PCCA: variants seen among roughly 807,000 people sequenced by gnomAD.
PCCA encodes the protein propionyl-CoA carboxylase alpha chain, mitochondrial.
PCCA carries 74 observed loss-of-function variants against 101.3 expected under a neutral mutation model. The ratio of observed to expected loss-of-function variants is 0.73; its 90% CI spans 0.61 to 0.89. The LOEUF (loss-of-function observed/expected upper bound fraction) is 0.89, where lower values mean the gene tolerates loss of function less well. Among genes scored for constraint, PCCA ranks in the 40% least tolerant of loss-of-function variants. The probability of loss-of-function intolerance (pLI) is 0.00; values close to 1 mark genes in which losing one functional copy is unlikely to be tolerated. For missense variants in PCCA, 891 were observed against 907.0 expected, an observed-to-expected ratio of 0.98 and a Z score of 0.23; for synonymous variants, 294 against 313.6, an observed-to-expected ratio of 0.94 and a Z score of 0.66.
At chr13:100,172,301 T>A (rs1444715606) in intron 6 of PCCA, among the ~76,000 whole-genome samples, 3 of 152,184 alleles carry the variant, frequency 2.0e-5, no homozygotes, top group Admixed American at 2.0e-4. Context: ...GGTATTCACA[T>A]CAAACTAATT....
At chr13:100,313,089 C>T (rs2067053585) in intron 16 of PCCA, among the ~76,000 whole-genome samples, 1 of 152,102 alleles carries the variant, frequency 6.6e-6, no homozygotes. Flanking sequence ...TTTGCTTTCT[C>T]TATTTCTCCC....
chr13:100,518,620 T>C (rs1566498973), intron 22 of PCCA, among the ~76,000 whole-genome samples: 1 of 152,236 alleles, frequency 6.6e-6, no homozygotes, highest in Non-Finnish European at 1.5e-5. Flanking sequence ...AGAGAGGATG[T>C]TAATACACAG....
intron 21 of PCCA, chr13:100,480,899 C>T (rs1596103041): frequency 6.6e-6 from 1 of 152,336 alleles, no homozygotes; most frequent in East Asian, 1.9e-4. Context: ...CAGTAGCCCC[C>T]CTTCTCCACG....
At chr13:100,159,566 A>G (rs771799002) in intron 6 of PCCA, among the ~76,000 whole-genome samples, 1 of 152,194 alleles carries the variant, frequency 6.6e-6, no homozygotes, top group Non-Finnish European at 1.5e-5. Context: ...CAGGGAAGAA[A>G]ATACTGTGAG....
intron 19 of PCCA, among the ~76,000 whole-genome samples, chr13:100,383,255 G>T (rs2076326269): frequency 1.3e-5 from 2 of 151,890 alleles, no homozygotes. Flanking sequence ...GCCTCTCAAA[G>T]TGCTGGGATT....
At chr13:100,311,868 C>T (rs532231057) in intron 16 of PCCA, among the ~76,000 whole-genome samples, 1 of 152,150 alleles carries the variant, frequency 6.6e-6, no homozygotes, top group African/African-American at 2.4e-5. Context: ...ATTGAAAGAC[C>T]GTTTTATGTA....
At chr13:100,519,494 A>G (rs907303134) in intron 22 of PCCA, among the ~76,000 whole-genome samples, 1 of 152,244 alleles carries the variant, frequency 6.6e-6, no homozygotes, top group African/African-American at 2.4e-5. Context: ...TGCCAGGGAA[A>G]GCATCACATC....
intron 9 of PCCA, 52 bp from the exon 10 acceptor site, chr13:100,262,677 C>T: frequency 4.4e-6 from 3 of 677,220 alleles, no homozygotes; most frequent in East Asian, 3.1e-5. Context: ...TCTTCCCCTT[C>T]CCCTTCCCCT....
chr13:100,190,521 A>G (rs1324270640), intron 6 of PCCA, among the ~76,000 whole-genome samples: 1 of 152,086 alleles, frequency 6.6e-6, no homozygotes, highest in Non-Finnish European at 1.5e-5. Flanking sequence ...TGTCTCTACT[A>G]AAAATTAGCC....
intron 14 of PCCA, among the ~76,000 whole-genome samples, chr13:100,306,822 G>A (rs1205989292): frequency 1.3e-5 from 2 of 152,212 alleles, no homozygotes; most frequent in African/African-American, 4.8e-5. Flanking sequence ...TTGACGAGGG[G>A]CCTCACTGGT....
chr13:100,212,815 C>T (rs1247717415), intron 7 of PCCA, among the ~76,000 whole-genome samples: 1 of 151,834 alleles, frequency 6.6e-6, no homozygotes, highest in African/African-American at 2.4e-5. Context: ...CTAGATCTTA[C>T]CCATTCTATC....
chr13:100,501,228 A>G (rs922595653), intron 21 of PCCA, among the ~76,000 whole-genome samples: 17 of 152,202 alleles, frequency 1.1e-4, no homozygotes, highest in Admixed American at 2.6e-4. Context: ...TATTTTATCT[A>G]TGTAAACTTA....
chr13:100,180,075 T>G (rs774371117), intron 6 of PCCA, among the ~76,000 whole-genome samples: 4 of 152,082 alleles, frequency 2.6e-5, no homozygotes, highest in Non-Finnish European at 4.4e-5. Context: ...GGGATTTAGG[T>G]CTGAGTGCAT....
In PCCA at chr13:100,508,826, G is replaced by C. The variant is rs111951670; in HGVS notation, c.1900-6601G>C. ...CTTAATGCTTGGGGTGGGGGGTTCA[G>C]GCTATTTATTGTGCTGACGTTGGTT... On this transcript the variant is annotated intron_variant, in intron 21 of 23. Coordinates refer to ENST00000376285, the MANE Select transcript of PCCA (RefSeq NM_000282.4). 5.6e-3 allele frequency among the ~76,000 whole-genome samples: 852 copies of C among 152,236 alleles called. 3 individuals are homozygous for C. Among genetic ancestry groups the C allele is most frequent in the African/African-American group, 0.019 (796 of 41,534 alleles).
chr13:100,352,483 C>T (rs1463118497), intron 18 of PCCA, among the ~76,000 whole-genome samples: 1 of 148,592 alleles, frequency 6.7e-6, no homozygotes. Context: ...CAAGTTTGAA[C>T]TCCTGGGCTC....
rs975052598 is a variant in PCCA, at chr13:100,186,598, C to T, written c.469-22734C>T. The stretch of plus-strand genomic sequence containing the variant: ...CTCTACTAAAAATACAAAAATGGTT[C>T]AGGTGTGGTGGCACGTGCCTGTAGT... On this transcript the variant is annotated intron_variant, in intron 6 of 23. Coordinates refer to ENST00000376285, the MANE Select transcript of PCCA (RefSeq NM_000282.4). 1.8e-4 allele frequency among the ~76,000 whole-genome samples: 28 copies of T among 151,730 alleles called. 1 individual carries two copies. The highest frequency in any genetic ancestry group is 1.5e-5 in the Non-Finnish European group (1 of 67,934).
intron 21 of PCCA, among the ~76,000 whole-genome samples, chr13:100,471,411 A>T (rs77492719): frequency 0.1 from 15,808 of 152,268 alleles, 1,373 homozygotes; most frequent in African/African-American, 0.23. Context: ...TACCAAAATG[A>T]GACACACAGA....
In PCCA at chr13:100,250,515, A is replaced by G. The variant is rs1467397609; in HGVS notation, c.638-7080A>G. Reference sequence around the variant, plus strand: ...TGTTTGCTTTTTTCTTATTTATCTCATCATGTTTATTTTTTTCTCCAAATC... The same window carrying G: ...TGTTTGCTTTTTTCTTATTTATCTCGTCATGTTTATTTTTTTCTCCAAATC... On this transcript the variant is annotated intron_variant, in intron 8 of 23. Transcript: ENST00000376285. Among the ~76,000 whole-genome samples the G allele has an allele frequency of 2.0e-5, 3 of 152,034 alleles. No homozygotes were observed. The East Asian group carries it at 5.8e-4, about 29-fold the overall frequency.
At chr13:100,352,769 A>G (rs142790292) in intron 18 of PCCA, among the ~76,000 whole-genome samples, 3 of 152,094 alleles carry the variant, frequency 2.0e-5, no homozygotes, top group Non-Finnish European at 1.5e-5. Flanking sequence ...TGGTGTGATT[A>G]TAGCTCATTG....
Sources: gnomAD v4.1 joint callset for allele counts (sites outside exome capture counted in the v4.1 genomes callset) on GRCh38, gnomAD v4.1.1 for gene constraint, MANE v1.5 for transcripts, NCBI Gene and HGNC (gene_info 2026-07-23, HGNC 2026-07-21) for gene names.